Variants in MID1 observed in about 807,000 individuals in gnomAD.
MID1 encodes the protein midline 1, also known as E3 ubiquitin-protein ligase Midline-1.
In MID1, 7 loss-of-function variants were observed where a neutral mutation model predicts 40.4. The observed-to-expected ratio is 0.17, with a 90% confidence interval of 0.10 to 0.33. MID1 has a LOEUF of 0.33. Ranked by LOEUF, MID1 falls within the 10% of genes least tolerant of loss-of-function variation. MID1 has a pLI of 1.00. For synonymous variants in MID1, 229 were observed against 221.2 expected, an observed-to-expected ratio of 1.04 and a Z score of -0.31; for missense variants, 367 against 558.5, an observed-to-expected ratio of 0.66 and a Z score of 3.46.
chrX:10,600,832 G>C, intron 1 of MID1, among the ~76,000 whole-genome samples: 1 of 112,114 alleles, frequency 8.9e-6, no homozygotes, highest in East Asian at 2.8e-4. Flanking sequence ...GTCAAATGCA[G>C]ATAAAGTATA....
intron 1 of MID1, among the ~76,000 whole-genome samples, chrX:10,657,582 T>G (rs918848703): frequency 8.9e-6 from 1 of 111,802 alleles, no homozygotes; most frequent in East Asian, 2.8e-4. Flanking sequence ...ATAAGGGAAA[T>G]TTTTGGTTAT....
chrX:10,727,275 C>T (rs6530413), intron 1 of MID1, among the ~76,000 whole-genome samples: 22,642 of 110,090 alleles, frequency 0.21, 2,634 homozygotes, highest in African/African-American at 0.44. Context: ...CCACCATGCC[C>T]GGCTAATTTT....
rs142337991 is a variant in MID1 at position 10,533,484 on chromosome X, A to AC, written c.661-10298_661-10297insG. On this transcript the variant is annotated intron_variant, in intron 2 of 9. Transcript: ENST00000317552. ...TCCATGTGGATGGTAAAAAAAAAAA[A>AC]ACAGTCCATGTAGTTTTTAATTAAT... Among the ~76,000 whole-genome samples, 576 of 109,329 alleles carry AC rather than the reference A, an allele frequency of 5.3e-3. 9 individuals carry two copies. Among genetic ancestry groups the AC allele is most frequent in the African/African-American group, 0.018 (554 of 30,166 alleles). The allele number at this position is 109,329 out of a possible 115,157, so 94.9% of individuals were successfully genotyped here.
intron 1 of MID1, among the ~76,000 whole-genome samples, chrX:10,773,802 C>T (rs2043785752): frequency 8.9e-6 from 1 of 112,025 alleles, no homozygotes; most frequent in East Asian, 2.8e-4. Flanking sequence ...TAAGCAGGTC[C>T]AGCTCACATA....
At chrX:10,719,609 A>G (rs1383168810) in intron 1 of MID1, among the ~76,000 whole-genome samples, 2 of 112,209 alleles carry the variant, frequency 1.8e-5, no homozygotes, top group Non-Finnish European at 3.8e-5. Context: ...TATCATGAAA[A>G]TGGTCATACT....
intron 1 of MID1, among the ~76,000 whole-genome samples, chrX:10,761,771 C>T (rs981128269): frequency 5.4e-5 from 6 of 112,060 alleles, no homozygotes; most frequent in African/African-American, 1.9e-4. Context: ...GATAGTTTTT[C>T]TAAGCCACTA....
chrX:10,706,179 T>TG lies in MID1; in HGVS notation c.-186-85761dup, dbSNP rs200745724. Among the ~76,000 whole-genome samples, 429 of 109,696 alleles carry TG rather than the reference T, an allele frequency of 3.9e-3. 2 individuals carry two copies. Among genetic ancestry groups the TG allele is most frequent in the Non-Finnish European group, 5.9e-3 (308 of 52,640 alleles). Reference sequence around the variant, plus strand: ...TGTCAAATGCTTCCTGAGGAAGGGGTGGGGGGTGTGTGAAATGAGAACCAC... The same window carrying TG: ...TGTCAAATGCTTCCTGAGGAAGGGGTGGGGGGGTGTGTGAAATGAGAACCAC... On this transcript the variant is annotated intron_variant, in intron 1 of 10. Coordinates refer to the MID1 transcript ENST00000380785.
chrX:10,815,672 TG>T (rs2044130954), intron 1 of MID1, among the ~76,000 whole-genome samples: 1 of 112,731 alleles, frequency 8.9e-6, no homozygotes, highest in Non-Finnish European at 1.9e-5. Context: ...ATCAGTCCCC[TG>T]GGGGTTATGC....
intron 1 of MID1, among the ~76,000 whole-genome samples, chrX:10,568,046 C>A (rs1389526566): frequency 9.0e-6 from 1 of 111,185 alleles, no homozygotes; most frequent in Admixed American, 9.6e-5. Context: ...TTAATGTATA[C>A]GAGATTTAAG....
intron 9 of MID1, among the ~76,000 whole-genome samples, chrX:10,454,262 T>G (rs1416319955): frequency 8.9e-6 from 1 of 112,214 alleles, no homozygotes; most frequent in Non-Finnish European, 1.9e-5. Context: ...AACCCTTAGC[T>G]ATTTGCACTA....
intron 1 of MID1, among the ~76,000 whole-genome samples, chrX:10,731,020 G>A (rs1243535546): frequency 8.9e-6 from 1 of 111,877 alleles, no homozygotes; most frequent in African/African-American, 3.3e-5. Flanking sequence ...TAACTTTAAT[G>A]TATATAATGT....
chrX:10,506,197 G>A lies in MID1; in HGVS notation c.757-10506C>T, dbSNP rs1931821972. ...ACATGTACGTTTATTCAAACACAAT[G>A]AAAGAGACTTGAGTTTAGAGAAATT... On this transcript the variant is annotated intron_variant, in intron 3 of 9. Coordinates refer to ENST00000317552, the MANE Select transcript of MID1 (RefSeq NM_000381.4). 6.3e-6 allele frequency: 6 copies of A among 953,830 alleles called. No individual in the cohort carries two copies. In the East Asian group the frequency reaches 2.5e-4, roughly 40 times the overall value. The allele number at this position is 953,830 out of a possible 1,213,427, so 78.6% of individuals were successfully genotyped here.
chrX:10,762,726 T>C (rs1180857844), intron 1 of MID1, among the ~76,000 whole-genome samples: 1 of 111,681 alleles, frequency 9.0e-6, no homozygotes, highest in Non-Finnish European at 1.9e-5. Flanking sequence ...TGAGCCACTG[T>C]GCCTGGCCTC....
intron 4 of MID1, 27 bp downstream of exon 4, chrX:10,495,557 T>G: frequency 9.2e-7 from 1 of 1,083,356 alleles, no homozygotes; most frequent in Non-Finnish European, 1.3e-6. Flanking sequence ...GTAGAGAATA[T>G]GAAATCTTCT....
rs185963670 is a variant in MID1 at position 10,652,014 on chromosome X, T to C, written c.-186-31595A>G. ...CCAATAGTGACCCCAGCTTGAGATA[T>C]TGTAAATTTATTACTACAAATTACC... is the stretch of plus-strand genomic sequence containing the variant. On this transcript the variant is annotated intron_variant, in intron 1 of 10. Transcript: ENST00000380785. Among the ~76,000 whole-genome samples the C allele has an allele frequency of 2.0e-3, 229 of 112,159 alleles. 2 individuals are homozygous for C. The highest frequency in any genetic ancestry group is 6.8e-3 in the African/African-American group (209 of 30,894).
chrX:10,637,301 G>A (rs1310839946), intron 1 of MID1, among the ~76,000 whole-genome samples: 3 of 109,400 alleles, frequency 2.7e-5, no homozygotes, highest in Non-Finnish European at 5.7e-5. Context: ...GTTTCAATAG[G>A]AGTCTGCTTT....
intron 1 of MID1, among the ~76,000 whole-genome samples, chrX:10,781,484 T>G (rs2043845411): frequency 8.9e-6 from 1 of 112,305 alleles, no homozygotes; most frequent in Non-Finnish European, 1.9e-5. Context: ...CAAATTCATT[T>G]TAGTGACCTG....
intron 2 of MID1, among the ~76,000 whole-genome samples, chrX:10,550,716 G>A (rs1309420529): frequency 8.9e-6 from 1 of 111,954 alleles, no homozygotes; most frequent in East Asian, 2.8e-4. Flanking sequence ...TGGCACCAAT[G>A]ACATTTGGGG....
At chrX:10,527,716 T>C (rs1250610026) in intron 2 of MID1, among the ~76,000 whole-genome samples, 5 of 111,482 alleles carry the variant, frequency 4.5e-5, no homozygotes, top group African/African-American at 1.3e-4. Context: ...TTACTGGCAA[T>C]TGGTGGATAT....
Sources: allele counts gnomAD v4.1 joint callset (sites outside exome capture counted in the v4.1 genomes callset), GRCh38; gene constraint gnomAD v4.1.1; transcripts MANE v1.5; gene names NCBI Gene and HGNC (gene_info 2026-07-23, HGNC 2026-07-21).